TCN2: variants seen among roughly 807,000 people sequenced by gnomAD.
TCN2 encodes the protein transcobalamin-2.
In TCN2, 34 loss-of-function variants were observed where a neutral mutation model predicts 48.6. That is an observed-to-expected ratio of 0.70 (90% CI 0.53 to 0.93). The LOEUF (loss-of-function observed/expected upper bound fraction) is 0.93, where lower values mean the gene tolerates loss of function less well. Ranked by LOEUF, TCN2 falls within the 40% of genes least tolerant of loss-of-function variation. The probability of loss-of-function intolerance (pLI) is 0.00; values close to 1 mark genes in which losing one functional copy is unlikely to be tolerated. For missense variants in TCN2, 652 were observed against 526.1 expected (o/e 1.24, Z -2.34); for synonymous variants, 283 against 212.5 (o/e 1.33, Z -2.89).
chr22:30,620,440 A>G (rs951030803), intron 7 of TCN2, among the ~76,000 whole-genome samples: 3 of 152,250 alleles, frequency 2.0e-5, no homozygotes, highest in African/African-American at 7.2e-5. Context: ...ACCTCCCTGT[A>G]TTCAAGCTGC....
intron 7 of TCN2, among the ~76,000 whole-genome samples, chr22:30,620,272 C>T (rs929579361): frequency 5.3e-5 from 8 of 152,138 alleles, no homozygotes; most frequent in African/African-American, 1.4e-4. Flanking sequence ...GCCAACGTGG[C>T]GAAAGCCCGT....
intron 6 of TCN2, among the ~76,000 whole-genome samples, chr22:30,616,768 T>C (rs2087618243): frequency 1.3e-5 from 2 of 152,110 alleles, no homozygotes; most frequent in African/African-American, 4.8e-5. Context: ...GCCATTGCAC[T>C]TCAGCCTGGG....
At chr22:30,609,117 A>T (rs1249162720) in intron 1 of TCN2, among the ~76,000 whole-genome samples, 1 of 150,186 alleles carries the variant, frequency 6.7e-6, no homozygotes, top group Non-Finnish European at 1.5e-5. Flanking sequence ...CACAAACGCT[A>T]ATGCAAAGTG....
chr22:30,608,570 T>C (rs2087487008), intron 1 of TCN2, among the ~76,000 whole-genome samples: 1 of 151,174 alleles, frequency 6.6e-6, no homozygotes, highest in African/African-American at 2.4e-5. Context: ...TGTATTTTTT[T>C]GTAGAGACAG....
At chr22:30,619,684 A>G (rs2087668635) in intron 7 of TCN2, among the ~76,000 whole-genome samples, 1 of 152,084 alleles carries the variant, frequency 6.6e-6, no homozygotes, top group Admixed American at 6.6e-5. Context: ...TTCCTGGAAA[A>G]CAGCATCCTG....
In TCN2 at chr22:30,623,775, CATATATATGTAT is replaced by C. The variant is rs1569046361; in HGVS notation, c.1222+694_1222+705del. On this transcript the variant is annotated intron_variant, in intron 8 of 8. Transcript: ENST00000215838. ...ATATATATGTATATATATATACACA[CATATATATGTAT>C]ACATATATACACACATACACATATA... Among the ~76,000 whole-genome samples, 7 of 37,518 alleles carry C rather than the reference CATATATATGTAT, an allele frequency of 1.9e-4. 1 individual carries two copies. Among genetic ancestry groups the C allele is most frequent in the African/African-American group, 1.8e-3 (7 of 3,920 alleles). 24.6% of individuals were successfully genotyped at this position (37,518 alleles called of 152,430 possible).
In TCN2 at chr22:30,626,748, T is replaced by G; in HGVS notation, c.*227T>G. ...TCCCTGGGAAGTCTTTCTGGCCAAG[T>G]CTGGCCAGCCTGGCCCTGCAGGTCT... On this transcript the variant is annotated 3_prime_UTR_variant, in exon 9 of 9. Coordinates refer to ENST00000215838, the MANE Select transcript of TCN2 (RefSeq NM_000355.4). 1.6e-6 allele frequency: 1 copy of G among 612,716 alleles called. No individual in the cohort carries two copies. The highest frequency in any genetic ancestry group is 2.9e-6 in the Non-Finnish European group (1 of 342,634). The allele number at this position is 612,716 out of a possible 1,614,324, so 38.0% of individuals were successfully genotyped here. A position where few individuals can be genotyped will look rare whatever the true frequency, so the allele number is the denominator to read the frequency against.
intron 8 of TCN2, among the ~76,000 whole-genome samples, chr22:30,625,848 C>T (rs778064817): frequency 3.9e-5 from 6 of 152,150 alleles, no homozygotes; most frequent in Non-Finnish European, 7.4e-5. Flanking sequence ...CTCCTGATAC[C>T]ATCACCTTTG....
chr22:30,607,219 A>G lies in TCN2; in HGVS notation c.-113A>G, dbSNP rs533742127. 91 of 1,153,134 alleles carry G rather than the reference A, an allele frequency of 7.9e-5. No homozygotes were observed. In the African/African-American group the frequency reaches 1.2e-3, roughly 15 times the overall value. The allele number at this position is 1,153,134 out of a possible 1,614,324, so 71.4% of individuals were successfully genotyped here. A position where few individuals can be genotyped will look rare whatever the true frequency, so the allele number is the denominator to read the frequency against. On this transcript the variant is annotated 5_prime_UTR_variant, in exon 1 of 9. Coordinates refer to ENST00000215838, the MANE Select transcript of TCN2 (RefSeq NM_000355.4). ...CAGGCATGGAGGATTAATCAGTGAC[A>G]GGAAGCTGCGTCTCTCGGAGCGGTG...
chr22:30,619,917 G>C (rs2087672440), intron 7 of TCN2, among the ~76,000 whole-genome samples: 2 of 152,186 alleles, frequency 1.3e-5, no homozygotes, highest in Non-Finnish European at 2.9e-5. Flanking sequence ...GATTTGGGAG[G>C]CTGAGGCAGG....
At chr22:30,623,241 G>A in intron 8 of TCN2, 158 bp downstream of exon 8, 2 of 589,664 alleles carry the variant, frequency 3.4e-6, no homozygotes, top group Non-Finnish European at 5.8e-6. Flanking sequence ...TTGAACTGAA[G>A]CCTTAGAATT....
intron 1 of TCN2, 114 bp downstream of exon 1, chr22:30,607,509 C>A: frequency 1.8e-6 from 2 of 1,100,058 alleles, no homozygotes; most frequent in Non-Finnish European, 1.3e-6. Context: ...GCAGTTTGGG[C>A]TTAGCTGGAC....
intron 1 of TCN2, among the ~76,000 whole-genome samples, chr22:30,607,617 A>T (rs2087472679): frequency 6.6e-6 from 1 of 152,224 alleles, no homozygotes; most frequent in South Asian, 2.1e-4. Flanking sequence ...ACATTCATTC[A>T]GCGCATACTG....
intron 1 of TCN2, chr22:30,610,138 C>A: frequency 2.2e-6 from 1 of 463,438 alleles, no homozygotes; most frequent in Admixed American, 2.4e-5. Context: ...CGTTGCACAG[C>A]TTCGAATAAA....
At chr22:30,619,226 C>T (rs1209140419) in intron 7 of TCN2, among the ~76,000 whole-genome samples, 2 of 152,180 alleles carry the variant, frequency 1.3e-5, no homozygotes, top group Non-Finnish European at 2.9e-5. Flanking sequence ...AGGCATGCGC[C>T]ACCACGCTTG....
chr22:30,621,014 A>G (rs2087689492), intron 7 of TCN2, among the ~76,000 whole-genome samples: 1 of 152,122 alleles, frequency 6.6e-6, no homozygotes, highest in African/African-American at 2.4e-5. Context: ...TTGTTTTGAG[A>G]CGGAGTTGCA....
At position 30,609,866 on chromosome 22, in the gene TCN2, A is replaced by G. The variant is rs2087509305; in HGVS notation, c.65-1005A>G. 3.9e-5 allele frequency among the ~76,000 whole-genome samples: 6 copies of G among 152,234 alleles called. No individual in the cohort carries two copies. In the South Asian group the frequency reaches 1.2e-3, roughly 32 times the overall value. ...AACAGGTATCTGGGGCTGTCGGGAA[A>G]ACAGACACGAGGTTGTGGGACCCAG... On this transcript the variant is annotated intron_variant, in intron 1 of 8. Coordinates refer to ENST00000215838, the MANE Select transcript of TCN2 (RefSeq NM_000355.4).
rs1395178172 is a variant in TCN2 at position 30,617,186 on chromosome 22, A to G, written c.941-144A>G. On this transcript the variant is annotated intron_variant, in intron 6 of 8. Coordinates refer to ENST00000215838, the MANE Select transcript of TCN2 (RefSeq NM_000355.4). ...GAGGCCGGGATGGAAGCCAGGTTTC[A>G]GCTGAGCAGGTGGCGGTGGCATTGA... 5.3e-6 allele frequency: 6 copies of G among 1,129,510 alleles called. No individual in the cohort carries two copies. The African/African-American group carries it at 9.3e-5, about 18-fold the overall frequency. The allele number at this position is 1,129,510 out of a possible 1,614,324, so 70.0% of individuals were successfully genotyped here. A position where few individuals can be genotyped will look rare whatever the true frequency, so the allele number is the denominator to read the frequency against.
chr22:30,626,601 C>T lies in TCN2; in HGVS notation c.*80C>T. 5.3e-6 allele frequency: 8 copies of T among 1,499,458 alleles called. No homozygotes were observed. Among genetic ancestry groups the T allele is most frequent in the Non-Finnish European group, 7.4e-6 (8 of 1,081,530 alleles). 92.9% of individuals were successfully genotyped at this position (1,499,458 alleles called of 1,614,324 possible). On this transcript the variant is annotated 3_prime_UTR_variant, in exon 9 of 9. Transcript: ENST00000215838. Reference sequence around the variant, plus strand: ...CCTCCTGATGTCCCTGGAACAGGAACTCGCCTGACCCTGCTGCCACCTCCT... The same window carrying T: ...CCTCCTGATGTCCCTGGAACAGGAATTCGCCTGACCCTGCTGCCACCTCCT...
Sources: allele counts gnomAD v4.1 joint callset (sites outside exome capture counted in the v4.1 genomes callset), GRCh38; gene constraint gnomAD v4.1.1; transcripts MANE v1.5; gene names NCBI Gene and HGNC (gene_info 2026-07-23, HGNC 2026-07-21).